The following ASAP2 variants were observed in gnomAD, a reference collection of about 807,000 sequenced individuals.
The protein encoded by ASAP2 is ArfGAP with SH3 domain, ankyrin repeat and PH domain 2, also known as arf-GAP with SH3 domain, ANK repeat and PH domain-containing protein 2.
In ASAP2, 45 loss-of-function variants were observed where a neutral mutation model predicts 131.4. That is an observed-to-expected ratio of 0.34 (90% CI 0.27 to 0.44). The LOEUF is 0.44. ASAP2 is among the 20% of genes least tolerant of loss of function. The probability of loss-of-function intolerance (pLI) is 1.00; values close to 1 mark genes in which losing one functional copy is unlikely to be tolerated. For synonymous variants in ASAP2, 510 were observed against 503.0 expected (o/e 1.01, Z -0.19); for missense variants, 1,011 against 1,297.0 (o/e 0.78, Z 3.39).
intron 1 of ASAP2, among the ~76,000 whole-genome samples, chr2:9,234,802 C>A (rs1021634145): frequency 2.0e-5 from 3 of 152,152 alleles, no homozygotes; most frequent in Admixed American, 6.5e-5. Flanking sequence ...GAGCCCACTT[C>A]CGGCCTTGCG....
intron 24 of ASAP2, chr2:9,399,351 C>G (rs1037318139): frequency 1.3e-5 from 2 of 152,556 alleles, no homozygotes; most frequent in Admixed American, 1.3e-4. Context: ...GTCCTTAGCT[C>G]TGGAGTTGAC....
intron 16 of ASAP2, among the ~76,000 whole-genome samples, chr2:9,369,614 T>G (rs1282810944): frequency 1.3e-5 from 2 of 152,128 alleles, no homozygotes; most frequent in Non-Finnish European, 2.9e-5. Flanking sequence ...CACCTGCATT[T>G]GAGTGGTGAG....
At chr2:9,373,688 C>A (rs938872314) in intron 16 of ASAP2, among the ~76,000 whole-genome samples, 2 of 152,204 alleles carry the variant, frequency 1.3e-5, no homozygotes, top group Admixed American at 1.3e-4. Flanking sequence ...GGGAACCGTG[C>A]GGGGACTCCA....
At chr2:9,248,404 T>C (rs776771516) in intron 1 of ASAP2, among the ~76,000 whole-genome samples, 7 of 152,144 alleles carry the variant, frequency 4.6e-5, no homozygotes, top group African/African-American at 1.2e-4. Context: ...AATTAGTGTA[T>C]GTGTAGCTCT....
In ASAP2 at chr2:9,368,460, G is replaced by A. The variant is rs774096072; in HGVS notation, c.1497G>A (p.Glu499=). ...ATATTGGGAATGCAGGCTTTAATGA[G>A]ATCATGGAATGTTGCCTACCAGCTG... ...AKNIGNAGFN[E]IMECCLPAED... The change falls in exon 16 of 28, where the codon GAG becomes GAA. Residue 499 remains glutamate (E), a synonymous_variant. Coordinates refer to ENST00000281419, the MANE Select transcript of ASAP2 (RefSeq NM_003887.3). 7 of 1,614,162 alleles carry A rather than the reference G, an allele frequency of 4.3e-6. No homozygotes were observed. In the South Asian group the frequency reaches 7.7e-5, roughly 18 times the overall value.
intron 12 of ASAP2, among the ~76,000 whole-genome samples, chr2:9,355,277 T>A (rs927006280): frequency 2.9e-4 from 44 of 152,358 alleles, no homozygotes; most frequent in African/African-American, 1.0e-3. Flanking sequence ...TCTCTTGCAG[T>A]CTGTATCGGT....
intron 22 of ASAP2, 130 bp downstream of exon 22, chr2:9,388,676 C>A: frequency 7.5e-7 from 1 of 1,325,974 alleles, no homozygotes; most frequent in Non-Finnish European, 1.0e-6. Context: ...TTTCTGTTTG[C>A]TTCCTAAAGG....
In ASAP2 at chr2:9,369,017, C is replaced by CT. The variant is rs113720607; in HGVS notation, c.1556+512dup. On this transcript the variant is annotated intron_variant, in intron 16 of 27. Transcript: ENST00000281419. The stretch of plus-strand genomic sequence containing the variant: ...GTTGATACACAACTTGACGGAGAAG[C>CT]TTTTTTTTTTTTTTCTGGGAGACGG... Among the ~76,000 whole-genome samples, 416 of 145,046 alleles carry CT rather than the reference C, an allele frequency of 2.9e-3. 1 individual carries two copies. Among genetic ancestry groups the CT allele is most frequent in the African/African-American group, 7.5e-3 (298 of 39,890 alleles).
chr2:9,273,056 T>C (rs1666513769), intron 1 of ASAP2, among the ~76,000 whole-genome samples: 1 of 152,168 alleles, frequency 6.6e-6, no homozygotes. Flanking sequence ...ATATAAATCT[T>C]AGGGTTATTT....
At chr2:9,349,554 A>G (rs550914604) in intron 11 of ASAP2, among the ~76,000 whole-genome samples, 1 of 152,340 alleles carries the variant, frequency 6.6e-6, no homozygotes, top group African/African-American at 2.4e-5. Flanking sequence ...GGTATCTTCT[A>G]ATACTGATTT....
chr2:9,336,098 AACAT>A (rs1450213239), intron 9 of ASAP2: 1 of 152,220 alleles, frequency 6.6e-6, no homozygotes, highest in Non-Finnish European at 1.5e-5. Flanking sequence ...TTTATTCGTG[AACAT>A]ACATATATAT....
Position 9,302,154 on chromosome 2 carries a change from A to T in ASAP2, c.345+4709A>T, listed in dbSNP as rs1572393145. Among the ~76,000 whole-genome samples, 14 of 79,240 alleles carry T rather than the reference A, an allele frequency of 1.8e-4. No homozygotes were observed. In the East Asian group the frequency reaches 2.0e-3, roughly 11 times the overall value. The allele number at this position is 79,240 out of a possible 152,430, so 52.0% of individuals were successfully genotyped here. On this transcript the variant is annotated intron_variant, in intron 3 of 27. Coordinates refer to ENST00000281419, the MANE Select transcript of ASAP2 (RefSeq NM_003887.3). ...TTTTTTTTTTTCCCAAACACAGATG[A>T]TGTGAGTTAGAAGCCTTTTTTTTTT...
chr2:9,401,131 G>T, intron 26 of ASAP2, 143 bp from the exon 27 acceptor site: 1 of 1,024,282 alleles, frequency 9.8e-7, no homozygotes, highest in Admixed American at 2.2e-5. Context: ...GAGCTGCACT[G>T]ACCTGCCCCA....
At chr2:9,285,381 A>G (rs901390648) in intron 2 of ASAP2, among the ~76,000 whole-genome samples, 2 of 152,188 alleles carry the variant, frequency 1.3e-5, no homozygotes, top group Admixed American at 1.3e-4. Flanking sequence ...GAACTGGGAC[A>G]AAAGGGTATC....
At chr2:9,380,557 G>A (rs185595614) in intron 19 of ASAP2, among the ~76,000 whole-genome samples, 184 bp from the exon 20 acceptor site, 1 of 152,280 alleles carries the variant, frequency 6.6e-6, no homozygotes, top group East Asian at 1.9e-4. Context: ...TCTGTATTTA[G>A]CTGTAGTTCT....
At chr2:9,208,577 A>C (rs565054707) in intron 1 of ASAP2, among the ~76,000 whole-genome samples, 1 of 152,280 alleles carries the variant, frequency 6.6e-6, no homozygotes, top group Non-Finnish European at 1.5e-5. Flanking sequence ...CTGTTAATAT[A>C]ACTTGGGTAG....
chr2:9,302,225 C>G (rs538663772), intron 3 of ASAP2, among the ~76,000 whole-genome samples: 1 of 131,776 alleles, frequency 7.6e-6, no homozygotes, highest in East Asian at 2.2e-4. Context: ...CAGGCTGGAG[C>G]GCAGTGGTGC....
At position 9,319,129 on chromosome 2, in the gene ASAP2, C is replaced by T. The variant is rs547882757; in HGVS notation, c.420+531C>T. ...GGGGCAGCAGACGGGGCTGGAGGGG[C>T]GTTTGCTCATGAGCACGCAGGCCAG... On this transcript the variant is annotated intron_variant, in intron 4 of 27. Transcript: ENST00000281419. Among the ~76,000 whole-genome samples, 4 of 152,270 alleles carry T rather than the reference C, an allele frequency of 2.6e-5. No homozygotes were observed. In the South Asian group the frequency reaches 6.2e-4, roughly 24 times the overall value.
Position 9,323,193 on chromosome 2 carries a change from G to A in ASAP2, c.543G>A (p.Ala181=), listed in dbSNP as rs777745428. The A allele has an allele frequency of 2.6e-5, 42 of 1,614,112 alleles. No individual in the cohort carries two copies. Among genetic ancestry groups the A allele is most frequent in the African/African-American group, 5.3e-5 (4 of 74,936 alleles). ...HGMIRTEISG[A]EIAEEMEKER... ...TGATTCGGACTGAAATAAGCGGAGC[G>A]GAAATTGCCGAAGAGATGGAAAAGG... is the stretch of plus-strand genomic sequence containing the variant. The change falls in exon 6 of 28, where the codon GCG becomes GCA. Residue 181 remains alanine (A), a synonymous_variant. Coordinates refer to ENST00000281419, the MANE Select transcript of ASAP2 (RefSeq NM_003887.3).
Sources: allele counts gnomAD v4.1 joint callset (sites outside exome capture counted in the v4.1 genomes callset), GRCh38; gene constraint gnomAD v4.1.1; transcripts MANE v1.5; gene names NCBI Gene and HGNC (gene_info 2026-07-23, HGNC 2026-07-21).